Variants in SRGAP2 observed in about 807,000 individuals in gnomAD.
SRGAP2 encodes SLIT-ROBO Rho GTPase-activating protein 2.
SRGAP2 carries 15 observed loss-of-function variants against 57.2 expected under a neutral mutation model. That is an observed-to-expected ratio of 0.26 (90% CI 0.18 to 0.40). The LOEUF (loss-of-function observed/expected upper bound fraction) is 0.40, where lower values mean the gene tolerates loss of function less well. Among genes scored for constraint, SRGAP2 ranks in the 10% least tolerant of loss-of-function variants. SRGAP2 has a pLI of 1.00. For synonymous variants in SRGAP2, 249 were observed against 248.0 expected (o/e 1.00, Z -0.04); for missense variants, 520 against 669.6 (o/e 0.78, Z 2.47).
chr1:206,425,897 G>C (rs11799756), intron 13 of SRGAP2, among the ~76,000 whole-genome samples: 6,523 of 147,202 alleles, frequency 0.044, 334 homozygotes, highest in African/African-American at 0.12. Flanking sequence ...CCCAGGCTGG[G>C]GTGCAATGGT....
chr1:206,307,349 T>C (rs1230378800), intron 3 of SRGAP2, among the ~76,000 whole-genome samples: 1 of 152,238 alleles, frequency 6.6e-6, no homozygotes, highest in East Asian at 1.9e-4. Context: ...ATATAAAGAC[T>C]CTCCATGTCC....
intron 13 of SRGAP2, among the ~76,000 whole-genome samples, chr1:206,425,911 A>G (rs1438856478): frequency 6.7e-6 from 1 of 150,074 alleles, no homozygotes; most frequent in African/African-American, 2.5e-5. Flanking sequence ...CAATGGTGCA[A>G]TCTTGCCTCA....
intron 2 of SRGAP2, among the ~76,000 whole-genome samples, chr1:206,245,419 CGAAA>C (rs1668485611): frequency 2.0e-5 from 3 of 151,844 alleles, no homozygotes; most frequent in Non-Finnish European, 4.4e-5. Flanking sequence ...TTGAGTGATG[CGAAA>C]GATTTTGATG....
intron 3 of SRGAP2, among the ~76,000 whole-genome samples, chr1:206,305,473 T>C (rs1394414755): frequency 2.0e-5 from 3 of 152,238 alleles, no homozygotes; most frequent in Non-Finnish European, 4.4e-5. Flanking sequence ...CAGGAAACTT[T>C]CCTGATTCTC....
intron 2 of SRGAP2, 65 bp downstream of exon 2, chr1:206,206,102 C>T (rs1665890426): frequency 1.8e-6 from 2 of 1,136,454 alleles, no homozygotes; most frequent in Non-Finnish European, 1.3e-6. Context: ...GTATTTCCAC[C>T]GTGATTTGCA....
At chr1:206,247,188 C>T (rs1444245688) in intron 2 of SRGAP2, among the ~76,000 whole-genome samples, 14 of 151,442 alleles carry the variant, frequency 9.2e-5, no homozygotes, top group African/African-American at 1.7e-4. Flanking sequence ...TTCATGATCA[C>T]GAACCTTCTA....
At chr1:206,203,747 G>C (rs1419442663) in intron 1 of SRGAP2, 97 bp downstream of exon 1, 5 of 1,448,936 alleles carry the variant, frequency 3.5e-6, no homozygotes, top group African/African-American at 1.4e-5. Context: ...AGAGGGCGCG[G>C]ATGCTGCTCG....
chr1:206,423,578 G>A (rs1660507634), intron 13 of SRGAP2, among the ~76,000 whole-genome samples: 1 of 152,040 alleles, frequency 6.6e-6, no homozygotes, highest in Non-Finnish European at 1.5e-5. Flanking sequence ...AGTCTCTGAG[G>A]CCCCAAATCT....
Position 206,438,042 on chromosome 1 carries a change from G to A in SRGAP2, c.1712G>A (p.Gly571Glu). The A allele has an allele frequency of 1.3e-6, 1 of 780,880 alleles. No individual in the cohort carries two copies. Among genetic ancestry groups the A allele is most frequent in the South Asian group, 1.3e-5 (1 of 74,624 alleles). 48.4% of individuals were successfully genotyped at this position (780,880 alleles called of 1,614,324 possible). ...IAGVLKLYFR[G>E]LEHPLFPKDI... The stretch of plus-strand genomic sequence containing the variant: ...GGTGTCCTGAAGCTTTACTTCCGGG[G>A]GCTGGAACACCCTCTCTTCCCCAAG... The change falls in exon 16 of 23, where the codon GGG (glycine) becomes GAG (glutamate). Residue 571 changes from glycine (G) to glutamate (E), a missense_variant. Gly to Glu is a moderately conservative substitution (Grantham distance 98, BLOSUM62 -2). Coordinates refer to ENST00000573034, the MANE Select transcript of SRGAP2 (RefSeq NM_015326.5).
chr1:206,303,880 TCTCTCTCTCACACA>T (rs1209788509), intron 3 of SRGAP2, among the ~76,000 whole-genome samples: 2 of 138,656 alleles, frequency 1.4e-5, no homozygotes, highest in African/African-American at 6.0e-5. Flanking sequence ...TCTCTCTCTC[TCTCTCTCTCACACA>T]CACACACACA....
At chr1:206,351,831 G>A (rs1391827286) in intron 4 of SRGAP2, among the ~76,000 whole-genome samples, 8 of 152,150 alleles carry the variant, frequency 5.3e-5, no homozygotes, top group African/African-American at 7.2e-5. Flanking sequence ...TTTAGACTTC[G>A]GAAGGTGCAG....
At chr1:206,440,548 A>AT (rs1277994095) in intron 17 of SRGAP2, among the ~76,000 whole-genome samples, 1,789 of 150,280 alleles carry the variant, frequency 0.012, 20 homozygotes, top group South Asian at 0.025. Flanking sequence ...CAATTAGAAG[A>AT]TTTTCTTTTT....
chr1:206,423,882 C>T (rs1660544208), intron 13 of SRGAP2, among the ~76,000 whole-genome samples: 1 of 151,576 alleles, frequency 6.6e-6, no homozygotes, highest in Non-Finnish European at 1.5e-5. Flanking sequence ...TCAAGCAGTG[C>T]ACCCACCATA....
At chr1:206,396,086 C>G (rs1447538321) in intron 7 of SRGAP2, among the ~76,000 whole-genome samples, 2 of 148,464 alleles carry the variant, frequency 1.3e-5, no homozygotes, top group Non-Finnish European at 3.0e-5. Flanking sequence ...AGGTTCACGC[C>G]ATTCTCCTGC....
rs1455718943 is a variant in SRGAP2, at chr1:206,464,034, C to G, written c.*2614C>G. The G allele has an allele frequency of 6.6e-6, 1 of 152,568 alleles. No individual in the cohort carries two copies. The highest frequency in any genetic ancestry group is 1.5e-5 in the Non-Finnish European group (1 of 68,106). The allele number at this position is 152,568 out of a possible 1,614,324, so 9.5% of individuals were successfully genotyped here. A position where few individuals can be genotyped will look rare whatever the true frequency, so the allele number is the denominator to read the frequency against. ...GGGGAAGAGAGGTGGGGTGGGGCTA[C>G]TAGCATCCCAATTTAGAAAATAGAG... is the stretch of plus-strand genomic sequence containing the variant. On this transcript the variant is annotated 3_prime_UTR_variant, in exon 23 of 23. Coordinates refer to ENST00000573034, the MANE Select transcript of SRGAP2 (RefSeq NM_015326.5).
Position 206,387,132 on chromosome 1 carries a change from A to C in SRGAP2, c.486+3056A>C, listed in dbSNP as rs1408160386. On this transcript the variant is annotated intron_variant, in intron 5 of 22. Transcript: ENST00000573034. ...CAGAGCAAGACTCTGTCTCAAAAAA[A>C]AAAAAAAAAAAAAAATAGCAGTTCA... 8.6e-5 allele frequency among the ~76,000 whole-genome samples: 13 copies of C among 151,072 alleles called. 1 individual carries two copies. The highest frequency in any genetic ancestry group is 3.4e-3 in the Middle Eastern group (1 of 290).
At chr1:206,313,147 C>A (rs1327839886) in intron 3 of SRGAP2, among the ~76,000 whole-genome samples, 1 of 145,826 alleles carries the variant, frequency 6.9e-6, no homozygotes, top group African/African-American at 2.6e-5. Flanking sequence ...TTATAACCCA[C>A]TGTCAGTATC....
rs1291205970 is a variant in SRGAP2 at position 206,462,503 on chromosome 1, G to A, written c.*1083G>A. On this transcript the variant is annotated 3_prime_UTR_variant, in exon 23 of 23. Coordinates refer to ENST00000573034, the MANE Select transcript of SRGAP2 (RefSeq NM_015326.5). ...CTATTAAAAAATTAAATTCAGCTTT[G>A]CTAATCCAGAAATTGTTCCCAAATG... 1 of 152,510 alleles carries A rather than the reference G, an allele frequency of 6.6e-6. No homozygotes were observed. Among genetic ancestry groups the A allele is most frequent in the African/African-American group, 2.4e-5 (1 of 41,396 alleles). The allele number at this position is 152,510 out of a possible 1,614,324, so 9.4% of individuals were successfully genotyped here.
intron 3 of SRGAP2, among the ~76,000 whole-genome samples, chr1:206,333,748 C>T (rs1170020383): frequency 6.6e-6 from 1 of 151,988 alleles, no homozygotes; most frequent in Non-Finnish European, 1.5e-5. Context: ...GCATTTGTGA[C>T]TTGCCCAAAG....
Sources: gnomAD v4.1 joint callset for allele counts (sites outside exome capture counted in the v4.1 genomes callset) on GRCh38, gnomAD v4.1.1 for gene constraint, MANE v1.5 for transcripts, NCBI Gene and HGNC (gene_info 2026-07-23, HGNC 2026-07-21) for gene names.